CACNA1I: variants seen among roughly 807,000 people sequenced by gnomAD.
CACNA1I encodes voltage-dependent T-type calcium channel subunit alpha-1I.
Under a neutral mutation model 201.6 loss-of-function variants are expected in CACNA1I, and 74 were observed. That is an observed-to-expected ratio of 0.37 (90% confidence interval 0.30 to 0.45). CACNA1I has a LOEUF of 0.45. Ranked by LOEUF, CACNA1I falls within the 20% of genes least tolerant of loss-of-function variation. The pLI is 1.00. For synonymous variants in CACNA1I, 1,431 were observed against 1,345.2 expected, an observed-to-expected ratio of 1.06 and a Z score of -1.40; for missense variants, 2,346 against 3,138.1, an observed-to-expected ratio of 0.75 and a Z score of 6.03.
At chr22:39,670,976 AG>A in intron 26 of CACNA1I, 22 bp downstream of exon 26, 11 of 1,612,512 alleles carry the variant, frequency 6.8e-6, no homozygotes, top group Non-Finnish European at 8.5e-6. Context: ...TCTGCCTCCC[AG>A]CCCAAGGTTA....
At chr22:39,637,744 T>G (rs1488776689) in intron 5 of CACNA1I, among the ~76,000 whole-genome samples, 1 of 152,236 alleles carries the variant, frequency 6.6e-6, no homozygotes, top group East Asian at 1.9e-4. Flanking sequence ...ATCTCTTAGT[T>G]GTAATGAAGT....
At position 39,641,040 on chromosome 22, in the gene CACNA1I, C is replaced by G; in HGVS notation, c.914C>G (p.Ala305Gly). The G allele has an allele frequency of 6.2e-7, 1 of 1,614,010 alleles. No homozygotes were observed. The highest frequency in any genetic ancestry group is 8.5e-7 in the Non-Finnish European group (1 of 1,179,902). Residue 305 changes from alanine to glycine, a missense_variant, in exon 6 of 37, where the codon GCG (alanine) becomes GGG (glycine). Transcript: ENST00000402142. ...AAGGACGACGTCTACGACTTTGGGG[C>G]GGGGCGCCAGGACCTCAATGCCAGC... ...LSKDDVYDFG[A>G]GRQDLNASGL...
chr22:39,580,807 G>A (rs1208490181), intron 1 of CACNA1I, among the ~76,000 whole-genome samples: 1 of 152,216 alleles, frequency 6.6e-6, no homozygotes, highest in African/African-American at 2.4e-5. Context: ...GGGAAAGACT[G>A]AGGCATAGAA....
At position 39,662,537 on chromosome 22, in the gene CACNA1I, C is replaced by A. The variant is rs564991958; in HGVS notation, c.3372+102C>A. 14 of 924,786 alleles carry A rather than the reference C, an allele frequency of 1.5e-5. No individual in the cohort carries two copies. In the African/African-American group the frequency reaches 2.5e-4, roughly 16 times the overall value. The allele number at this position is 924,786 out of a possible 1,614,324, so 57.3% of individuals were successfully genotyped here. On this transcript the variant is annotated intron_variant, in intron 17 of 36. Coordinates refer to ENST00000402142, the MANE Select transcript of CACNA1I (RefSeq NM_021096.4). Reference sequence around the variant, plus strand: ...CCCGAGCGGGCGGGCCCACGGGGGGCGTGGCCGGGGCGTGGCCGGAGCGGC... The same window carrying A: ...CCCGAGCGGGCGGGCCCACGGGGGGAGTGGCCGGGGCGTGGCCGGAGCGGC...
At chr22:39,573,604 G>A (rs1016468601) in intron 1 of CACNA1I, among the ~76,000 whole-genome samples, 3 of 152,128 alleles carry the variant, frequency 2.0e-5, no homozygotes, top group Non-Finnish European at 4.4e-5. Flanking sequence ...AGCCACACAC[G>A]CCATGGGGGC....
At chr22:39,580,708 G>A (rs1376781760) in intron 1 of CACNA1I, among the ~76,000 whole-genome samples, 3 of 152,128 alleles carry the variant, frequency 2.0e-5, no homozygotes, top group South Asian at 4.1e-4. Flanking sequence ...TGGTCTTGTG[G>A]GCCACGGGTG....
chr22:39,664,971 C>G lies in CACNA1I; in HGVS notation c.3851+48C>G, dbSNP rs375920067. On this transcript the variant is annotated intron_variant, in intron 21 of 36. Coordinates refer to ENST00000402142, the MANE Select transcript of CACNA1I (RefSeq NM_021096.4). ...TGGGGGAAAGTGTCATGCACTGTAC[C>G]GAGAAGCCACGGGTCGAATTGGGCC... 411 of 1,565,336 alleles carry G rather than the reference C, an allele frequency of 2.6e-4. 2 individuals are homozygous for G. In the African/African-American group the frequency reaches 4.2e-3, roughly 16 times the overall value.
At chr22:39,673,537 C>T (rs1368625891) in intron 28 of CACNA1I, among the ~76,000 whole-genome samples, 1 of 152,210 alleles carries the variant, frequency 6.6e-6, no homozygotes, top group African/African-American at 2.4e-5. Context: ...AAGCCTCCTG[C>T]CTCAGGGCGA....
chr22:39,673,338 C>T (rs138411574), intron 28 of CACNA1I, among the ~76,000 whole-genome samples: 111 of 152,298 alleles, frequency 7.3e-4, no homozygotes, highest in African/African-American at 2.6e-3. Flanking sequence ...GACACACACT[C>T]CCACTTCCTT....
At position 39,670,190 on chromosome 22, in the gene CACNA1I, T is replaced by G. The variant is rs1601519627; in HGVS notation, c.4347T>G (p.Arg1449=). Reference sequence around the variant, plus strand: ...AGGAGGCTGAAGAGGCACGGCGGCGTGAGGAGAAGCGGCTGCGGCGCCTGG... The same window carrying G: ...AGGAGGCTGAAGAGGCACGGCGGCGGGAGGAGAAGCGGCTGCGGCGCCTGG... The part of the protein sequence containing the change: ...QHQEAEEARR[R]EEKRLRRLEK... Residue 1449 remains arginine, a synonymous_variant, in exon 25 of 37, where the codon CGT becomes CGG. Transcript: ENST00000402142. The G allele has an allele frequency of 1.2e-6, 2 of 1,613,832 alleles. No homozygotes were observed. Among genetic ancestry groups the G allele is most frequent in the Non-Finnish European group, 1.7e-6 (2 of 1,179,854 alleles).
Position 39,590,759 on chromosome 22 carries a change from C to T in CACNA1I, c.237-7392C>T, listed in dbSNP as rs115077332. ...TTCCTTTCCTGTGAAGTGGGGATAA[C>T]GGTAGTATCAGCCAGTTTGGGAGAA... is the stretch of plus-strand genomic sequence containing the variant. On this transcript the variant is annotated intron_variant, in intron 1 of 36. Transcript: ENST00000402142. Among the ~76,000 whole-genome samples, 299 of 152,328 alleles carry T rather than the reference C, an allele frequency of 2.0e-3. 1 individual carries two copies. Among genetic ancestry groups the T allele is most frequent in the African/African-American group, 6.8e-3 (284 of 41,576 alleles).
intron 18 of CACNA1I, 22 bp downstream of exon 18, chr22:39,662,898 G>C (rs1321484614): frequency 5.5e-6 from 8 of 1,462,356 alleles, no homozygotes; most frequent in Non-Finnish European, 6.6e-6. Context: ...CAGGCCTGGG[G>C]TGAGGGTTAG....
chr22:39,658,098 A>G lies in CACNA1I; in HGVS notation c.1993-54A>G, dbSNP rs1028572286. 5.0e-6 allele frequency: 8 copies of G among 1,587,704 alleles called. No homozygotes were observed. The East Asian group carries it at 1.6e-4, about 31-fold the overall frequency. Reference sequence around the variant, plus strand: ...CAGGGTGGGTGTCCAGAGGGGATCCACAGCTGCCCTCTGGCCTGACCGGGT... The same window carrying G: ...CAGGGTGGGTGTCCAGAGGGGATCCGCAGCTGCCCTCTGGCCTGACCGGGT... On this transcript the variant is annotated intron_variant, in intron 10 of 36. Coordinates refer to ENST00000402142, the MANE Select transcript of CACNA1I (RefSeq NM_021096.4).
intron 10 of CACNA1I, among the ~76,000 whole-genome samples, chr22:39,657,552 C>T (rs544421013): frequency 2.0e-5 from 3 of 152,312 alleles, no homozygotes; most frequent in African/African-American, 7.2e-5. Context: ...GGGTTAAGGG[C>T]AGGAGTCTTG....
At chr22:39,622,273 C>T (rs136806) in intron 4 of CACNA1I, among the ~76,000 whole-genome samples, 20,785 of 151,146 alleles carry the variant, frequency 0.14, 1,810 homozygotes, top group Admixed American at 0.26. Context: ...GCTCCTGTGC[C>T]GGGCATGAGG....
intron 4 of CACNA1I, among the ~76,000 whole-genome samples, chr22:39,631,034 G>C (rs573910456): frequency 6.6e-6 from 1 of 152,300 alleles, no homozygotes; most frequent in African/African-American, 2.4e-5. Flanking sequence ...CCAGGAAGGT[G>C]GGGGATAAGG....
In CACNA1I at chr22:39,675,406, G is replaced by A. The variant is rs1018041320; in HGVS notation, c.4854+1373G>A. Among the ~76,000 whole-genome samples the A allele has an allele frequency of 2.0e-5, 3 of 152,150 alleles. 1 individual carries two copies. Among genetic ancestry groups the A allele is most frequent in the South Asian group, 4.1e-4 (2 of 4,824 alleles). ...CTTCCCCATGCTCTGACCCCTGGGC[G>A]GTTCTATCATGACTCCCAAATCCAG... On this transcript the variant is annotated intron_variant, in intron 29 of 36. Transcript: ENST00000402142.
At chr22:39,622,616 G>T (rs1489254480) in intron 4 of CACNA1I, among the ~76,000 whole-genome samples, 2 of 148,074 alleles carry the variant, frequency 1.4e-5, no homozygotes, top group Non-Finnish European at 3.0e-5. Context: ...GCGGTGGGGG[G>T]GGCAGTGGGG....
rs1935979456 is a variant in CACNA1I, at chr22:39,689,612, T to A, written c.*3207T>A. ...CGCTGTACAGTTTCTATGGTGTGAA[T>A]GAACTTCCCTCCTAGTTGCTGATGG... On this transcript the variant is annotated 3_prime_UTR_variant, in exon 37 of 37. Coordinates refer to ENST00000402142, the MANE Select transcript of CACNA1I (RefSeq NM_021096.4). 6.5e-6 allele frequency: 1 copy of A among 152,760 alleles called. No individual in the cohort carries two copies. The highest frequency in any genetic ancestry group is 1.5e-5 in the Non-Finnish European group (1 of 68,094). 9.5% of individuals were successfully genotyped at this position (152,760 alleles called of 1,614,324 possible).
Sources: allele counts gnomAD v4.1 joint callset (sites outside exome capture counted in the v4.1 genomes callset), GRCh38; gene constraint gnomAD v4.1.1; transcripts MANE v1.5; gene names NCBI Gene and HGNC (gene_info 2026-07-23, HGNC 2026-07-21).